Variants in VPS13A observed in about 807,000 individuals in gnomAD.
The protein encoded by VPS13A is vacuolar protein sorting 13 homolog A.
In VPS13A, 264 loss-of-function variants were observed where a neutral mutation model predicts 390.9. The observed-to-expected ratio is 0.68, with a 90% CI of 0.61 to 0.75. The LOEUF (loss-of-function observed/expected upper bound fraction) is 0.75. Ranked by LOEUF, VPS13A falls within the 30% of genes least tolerant of loss-of-function variation. The pLI, the probability that VPS13A is intolerant of heterozygous loss-of-function variation, is 0.00. For synonymous variants in VPS13A, 1,231 were observed against 1,227.1 expected, an observed-to-expected ratio of 1.00 and a Z score of -0.07; for missense variants, 3,409 against 3,733.9, an observed-to-expected ratio of 0.91 and a Z score of 2.27.
intron 60 of VPS13A, 128 bp from the exon 61 acceptor site, chr9:77,366,599 A>T: frequency 1.3e-6 from 1 of 793,070 alleles, no homozygotes; most frequent in South Asian, 1.9e-5. Context: ...AGTGATTTTA[A>T]CATAATCCAG....
intron 10 of VPS13A, among the ~76,000 whole-genome samples, chr9:77,215,446 G>A (rs1281919651): frequency 6.6e-6 from 1 of 152,112 alleles, no homozygotes; most frequent in East Asian, 1.9e-4. Context: ...TGAGTTATCT[G>A]TCATATGTGT....
At chr9:77,222,156 CT>C (rs1483797606) in intron 13 of VPS13A, among the ~76,000 whole-genome samples, 1 of 152,020 alleles carries the variant, frequency 6.6e-6, no homozygotes, top group Non-Finnish European at 1.5e-5. Context: ...TTGACTTTTA[CT>C]TTTATTTTCA....
chr9:77,314,032 A>G lies in VPS13A; in HGVS notation c.4155A>G (p.Ser1385=), dbSNP rs1829240920. ...CAGCTGCTGTGGTAGAAGTACATTCACGTGCCTTACTAGTTAAGACAACAC... is the reference window on the plus strand; with the variant it reads ...CAGCTGCTGTGGTAGAAGTACATTCGCGTGCCTTACTAGTTAAGACAACAC... ...VVTAAVVEVH[S]RALLVKTTLN... The change falls in exon 36 of 72, where the codon TCA becomes TCG. Residue 1385 remains serine, a synonymous_variant. Coordinates refer to ENST00000360280, the MANE Select transcript of VPS13A (RefSeq NM_033305.3). The G allele has an allele frequency of 1.2e-6, 2 of 1,613,458 alleles. No individual in the cohort carries two copies. Among genetic ancestry groups the G allele is most frequent in the Non-Finnish European group, 1.7e-6 (2 of 1,179,600 alleles).
At chr9:77,218,826 G>A (rs1443553103) in intron 10 of VPS13A, among the ~76,000 whole-genome samples, 1 of 152,096 alleles carries the variant, frequency 6.6e-6, no homozygotes, top group African/African-American at 2.4e-5. Context: ...ATGATTCCTG[G>A]ACTGAAGGAC....
intron 67 of VPS13A, among the ~76,000 whole-genome samples, chr9:77,380,275 A>T (rs1833353874): frequency 6.6e-6 from 1 of 150,420 alleles, no homozygotes; most frequent in Admixed American, 6.6e-5. Flanking sequence ...ATATTGTTAG[A>T]TCATATTTTT....
At chr9:77,415,492 A>G (rs980547633) in intron 71 of VPS13A, among the ~76,000 whole-genome samples, 6 of 152,146 alleles carry the variant, frequency 3.9e-5, no homozygotes, top group Non-Finnish European at 8.8e-5. Context: ...TTTACATTTT[A>G]TTTTTGTAAT....
At chr9:77,278,980 G>A (rs1373895648) in intron 26 of VPS13A, among the ~76,000 whole-genome samples, 1 of 152,164 alleles carries the variant, frequency 6.6e-6, no homozygotes, top group Non-Finnish European at 1.5e-5. Context: ...TTGGGCTCCG[G>A]CCCCAGGACA....
chr9:77,384,185 T>G (rs1490763357), intron 68 of VPS13A, among the ~76,000 whole-genome samples: 2 of 151,788 alleles, frequency 1.3e-5, no homozygotes, highest in Admixed American at 1.3e-4. Flanking sequence ...AAAAAAGATG[T>G]ATTCACTAAA....
intron 17 of VPS13A, among the ~76,000 whole-genome samples, chr9:77,229,152 C>T (rs1258718035): frequency 6.6e-6 from 1 of 152,010 alleles, no homozygotes; most frequent in African/African-American, 2.4e-5. Flanking sequence ...GGTCTTGGCT[C>T]ACTGCAGTCT....
At chr9:77,414,370 A>G (rs981552216) in intron 71 of VPS13A, among the ~76,000 whole-genome samples, 1 of 152,206 alleles carries the variant, frequency 6.6e-6, no homozygotes, top group Non-Finnish European at 1.5e-5. Flanking sequence ...CTGGATTAAG[A>G]AAATGTGGCA....
At chr9:77,221,401 C>T in intron 13 of VPS13A, 45 bp downstream of exon 13, 2 of 1,599,088 alleles carry the variant, frequency 1.3e-6, no homozygotes, top group Non-Finnish European at 1.7e-6. Flanking sequence ...TACTACATAG[C>T]TCCTTATTGG....
At chr9:77,308,289 T>C (rs1451734237) in intron 35 of VPS13A, among the ~76,000 whole-genome samples, 191 bp downstream of exon 35, 1 of 152,164 alleles carries the variant, frequency 6.6e-6, no homozygotes, top group Non-Finnish European at 1.5e-5. Flanking sequence ...ATCAGCTAAT[T>C]CCATTCAGAC....
intron 70 of VPS13A, among the ~76,000 whole-genome samples, chr9:77,407,139 CAT>C (rs969553313): frequency 5.3e-5 from 8 of 152,272 alleles, no homozygotes; most frequent in South Asian, 2.1e-4. Flanking sequence ...CATACACACA[CAT>C]GTGCATATAT....
At chr9:77,401,312 C>T (rs1219286429) in intron 68 of VPS13A, among the ~76,000 whole-genome samples, 1 of 147,852 alleles carries the variant, frequency 6.8e-6, no homozygotes, top group Non-Finnish European at 1.5e-5. Context: ...AAACCACCAT[C>T]TTGGGATCAC....
intron 44 of VPS13A, among the ~76,000 whole-genome samples, chr9:77,322,737 G>A (rs771489517): frequency 1.2e-4 from 18 of 152,008 alleles, no homozygotes; most frequent in Non-Finnish European, 2.2e-4. Context: ...ATTTACCAAT[G>A]TCTACCAAAA....
intron 35 of VPS13A, among the ~76,000 whole-genome samples, chr9:77,308,703 G>A (rs1044429005): frequency 2.0e-5 from 3 of 152,146 alleles, no homozygotes; most frequent in Admixed American, 1.3e-4. Flanking sequence ...CGCATACAGA[G>A]GGTCAGTTAG....
rs1833499899 is a variant in VPS13A at position 77,382,577 on chromosome 9, A to G, written c.9189+490A>G. 7.1e-6 allele frequency: 8 copies of G among 1,119,326 alleles called. No homozygotes were observed. In the East Asian group the frequency reaches 4.2e-4, roughly 59 times the overall value. The allele number at this position is 1,119,326 out of a possible 1,614,324, so 69.3% of individuals were successfully genotyped here. The stretch of plus-strand genomic sequence containing the variant: ...ACCATTTCTGTTGTGGGGTTATTAA[A>G]CCACTGGTAGCTTTTATACCAGATA... On this transcript the variant is annotated intron_variant, in intron 68 of 71. Transcript: ENST00000360280.
In VPS13A at chr9:77,243,131, T is replaced by G. The variant is rs528119576; in HGVS notation, c.1901-4128T>G. 5.3e-5 allele frequency among the ~76,000 whole-genome samples: 8 copies of G among 152,260 alleles called. No individual in the cohort carries two copies. The South Asian group carries it at 1.4e-3, about 28-fold the overall frequency. The stretch of plus-strand genomic sequence containing the variant: ...TCCTTCCCTCATATTCCTCCTTTCT[T>G]CCTTTTATTTTGTTACATTCTCCTC... On this transcript the variant is annotated intron_variant, in intron 19 of 71. Coordinates refer to ENST00000360280, the MANE Select transcript of VPS13A (RefSeq NM_033305.3).
chr9:77,375,306 A>G (rs1188015968), intron 67 of VPS13A, among the ~76,000 whole-genome samples: 2 of 152,200 alleles, frequency 1.3e-5, no homozygotes, highest in African/African-American at 4.8e-5. Context: ...CTGAAAGTAA[A>G]AGGAGGAATG....
Sources: gnomAD v4.1 joint callset for allele counts (sites outside exome capture counted in the v4.1 genomes callset) on GRCh38, gnomAD v4.1.1 for gene constraint, MANE v1.5 for transcripts, NCBI Gene and HGNC (gene_info 2026-07-23, HGNC 2026-07-21) for gene names.